Variants in RBFOX1 observed in about 807,000 individuals in gnomAD.
RBFOX1 encodes RNA binding fox-1 homolog 1, also known as RNA binding protein fox-1 homolog 1.
Under a neutral mutation model 57.7 loss-of-function variants are expected in RBFOX1, and 8 were observed. That is an observed-to-expected ratio of 0.14 (90% confidence interval 0.08 to 0.25). The LOEUF is 0.25. RBFOX1 is among the 10% of genes least tolerant of loss of function. The pLI, the probability that RBFOX1 is intolerant of heterozygous loss-of-function variation, is 1.00. For synonymous variants in RBFOX1, 326 were observed against 222.4 expected (o/e 1.47, Z -4.15); for missense variants, 611 against 548.5 (o/e 1.11, Z -1.14).
chr16:6,030,206 A>T (rs2095268790), intron 1 of RBFOX1, among the ~76,000 whole-genome samples: 2 of 152,242 alleles, frequency 1.3e-5, no homozygotes, highest in South Asian at 4.1e-4. Context: ...GGCATGAGCC[A>T]CTATGCCCAG....
chr16:5,676,861 C>CA (rs35849297), intron 3 of RBFOX1, among the ~76,000 whole-genome samples: 15,449 of 145,630 alleles, frequency 0.11, 976 homozygotes, highest in East Asian at 0.25. Context: ...GACTCCACCT[C>CA]AAAAAAAAAA....
At chr16:6,723,084 T>A (rs755082480) in intron 3 of RBFOX1, among the ~76,000 whole-genome samples, 5 of 152,116 alleles carry the variant, frequency 3.3e-5, no homozygotes, top group Non-Finnish European at 5.9e-5. Flanking sequence ...GTCCCATGAG[T>A]GGTGATGTGG....
At chr16:6,648,443 G>C (rs1181321050) in intron 2 of RBFOX1, among the ~76,000 whole-genome samples, 1 of 152,120 alleles carries the variant, frequency 6.6e-6, no homozygotes, top group African/African-American at 2.4e-5. Flanking sequence ...GCGGATGAGG[G>C]AAATTTGCTG....
chr16:5,730,838 C>A (rs2151560416), intron 3 of RBFOX1, among the ~76,000 whole-genome samples: 1 of 152,272 alleles, frequency 6.6e-6, no homozygotes, highest in African/African-American at 2.4e-5. Flanking sequence ...CCATTATCAT[C>A]ATCATTGTCA....
At chr16:6,481,882 G>C (rs1469265293) in intron 2 of RBFOX1, among the ~76,000 whole-genome samples, 2 of 152,054 alleles carry the variant, frequency 1.3e-5, no homozygotes, top group Non-Finnish European at 2.9e-5. Context: ...GTTAAACACT[G>C]TGTTAATATC....
At chr16:6,736,372 A>T (rs2070308252) in intron 3 of RBFOX1, among the ~76,000 whole-genome samples, 1 of 152,040 alleles carries the variant, frequency 6.6e-6, no homozygotes, top group South Asian at 2.1e-4. Flanking sequence ...GCATTCTCAT[A>T]GCTTAGCTCC....
chr16:6,226,740 A>T (rs1008823050), intron 1 of RBFOX1, among the ~76,000 whole-genome samples: 1 of 151,874 alleles, frequency 6.6e-6, no homozygotes, highest in Non-Finnish European at 1.5e-5. Context: ...TTTGACCCTC[A>T]CTTTCTTTCA....
At chr16:6,971,874 C>T (rs138857725) in intron 3 of RBFOX1, among the ~76,000 whole-genome samples, 181 of 152,216 alleles carry the variant, frequency 1.2e-3, no homozygotes, top group African/African-American at 4.1e-3. Flanking sequence ...CTGCAGTGAT[C>T]CGCTGGTACC....
chr16:7,435,137 T>A (rs1344232260), intron 4 of RBFOX1, among the ~76,000 whole-genome samples: 2 of 152,216 alleles, frequency 1.3e-5, no homozygotes, highest in Non-Finnish European at 2.9e-5. Context: ...TTTTACCTCG[T>A]TCTTTTCTGT....
chr16:7,629,002 C>T (rs959340883), intron 10 of RBFOX1, among the ~76,000 whole-genome samples: 1 of 152,194 alleles, frequency 6.6e-6, no homozygotes. Flanking sequence ...GATATATTTA[C>T]TACCCAGAGA....
rs369466592 is a variant in RBFOX1, at chr16:5,661,647, C to T, written c.318+62686C>T. ...AATGAGTATGACAATCAAATTAACA[C>T]GTTGGTCCTCACCCGTAGTTAGTTA... is the stretch of plus-strand genomic sequence containing the variant. On this transcript the variant is annotated intron_variant, in intron 3 of 19. Coordinates refer to the RBFOX1 transcript ENST00000641259. Among the ~76,000 whole-genome samples, 102 of 152,286 alleles carry T rather than the reference C, an allele frequency of 6.7e-4. 1 individual carries two copies. The highest frequency in any genetic ancestry group is 2.1e-3 in the African/African-American group (89 of 41,558).
At chr16:7,686,372 C>T (rs578241396) in intron 14 of RBFOX1, among the ~76,000 whole-genome samples, 36 of 152,164 alleles carry the variant, frequency 2.4e-4, no homozygotes, top group Non-Finnish European at 4.9e-4. Flanking sequence ...TCAACCTGTG[C>T]CTTGGATATT....
Position 6,877,602 on chromosome 16 carries a change from C to T in RBFOX1, c.-15-174455C>T, listed in dbSNP as rs527653945. On this transcript the variant is annotated intron_variant, in intron 3 of 15. Coordinates refer to ENST00000550418, the MANE Select transcript of RBFOX1 (RefSeq NM_018723.4). Reference sequence around the variant, plus strand: ...TGTGTGTGTGCAACAATAACCGTGTCTTTGCATTTGCATATTGCTTTAGAG... The same window carrying T: ...TGTGTGTGTGCAACAATAACCGTGTTTTTGCATTTGCATATTGCTTTAGAG... 7.9e-5 allele frequency among the ~76,000 whole-genome samples: 12 copies of T among 152,262 alleles called. No individual in the cohort carries two copies. The South Asian group carries it at 2.5e-3, about 32-fold the overall frequency.
intron 4 of RBFOX1, among the ~76,000 whole-genome samples, chr16:7,101,248 G>A (rs968814140): frequency 2.0e-5 from 3 of 152,188 alleles, no homozygotes; most frequent in African/African-American, 7.2e-5. Context: ...GTGGCATAGA[G>A]AGAAACCGAG....
intron 4 of RBFOX1, among the ~76,000 whole-genome samples, chr16:7,119,520 A>G (rs1263996170): frequency 6.6e-6 from 1 of 152,104 alleles, no homozygotes; most frequent in Non-Finnish European, 1.5e-5. Flanking sequence ...ATTTAGGGCA[A>G]TTCCCATCCT....
At chr16:6,746,505 C>T (rs1481535947) in intron 3 of RBFOX1, among the ~76,000 whole-genome samples, 1 of 151,946 alleles carries the variant, frequency 6.6e-6, no homozygotes, top group Admixed American at 6.6e-5. Flanking sequence ...GGCAAAGCCT[C>T]ATCTCAACAA....
intron 3 of RBFOX1, among the ~76,000 whole-genome samples, chr16:6,803,928 A>T (rs1314137874): frequency 1.3e-5 from 2 of 151,958 alleles, no homozygotes; most frequent in African/African-American, 2.4e-5. Context: ...TAGATCTGGC[A>T]TCTTGTTTAG....
At chr16:5,395,312 T>G (rs78060069) in intron 1 of RBFOX1, among the ~76,000 whole-genome samples, 418 of 152,362 alleles carry the variant, frequency 2.7e-3, no homozygotes, top group Middle Eastern at 0.014. Flanking sequence ...TCGTACATTC[T>G]TCTGTTAGAT....
chr16:6,619,105 C>A (rs1360360475), intron 2 of RBFOX1, among the ~76,000 whole-genome samples: 1 of 152,072 alleles, frequency 6.6e-6, no homozygotes, highest in East Asian at 1.9e-4. Context: ...AAAATGACTT[C>A]CAGACACTTA....
Sources: gnomAD v4.1 joint callset for allele counts (sites outside exome capture counted in the v4.1 genomes callset) on GRCh38, gnomAD v4.1.1 for gene constraint, MANE v1.5 for transcripts, NCBI Gene and HGNC (gene_info 2026-07-23, HGNC 2026-07-21) for gene names.